ZFP64: variants seen among roughly 807,000 people sequenced by gnomAD.
ZFP64 encodes the protein zinc finger protein 64.
ZFP64 carries 14 observed loss-of-function variants against 51.6 expected under a neutral mutation model. The observed-to-expected ratio is 0.27, with a 90% CI of 0.18 to 0.42. ZFP64 has a LOEUF of 0.42. Ranked by LOEUF, ZFP64 falls within the 10% of genes least tolerant of loss-of-function variation. The pLI is 1.00. For missense variants in ZFP64, 754 were observed against 906.8 expected, an observed-to-expected ratio of 0.83 and a Z score of 2.16; for synonymous variants, 375 against 361.4, an observed-to-expected ratio of 1.04 and a Z score of -0.43.
chr20:52,145,153 T>C (rs1435248998), intron 5 of ZFP64, among the ~76,000 whole-genome samples: 1 of 152,188 alleles, frequency 6.6e-6, no homozygotes, highest in Non-Finnish European at 1.5e-5. Flanking sequence ...AAATCAGAGA[T>C]AGCACTAAAA....
chr20:52,098,572 T>C, exon 6 of ZFP64: 1 of 1,614,130 alleles, frequency 6.2e-7, no homozygotes, highest in Non-Finnish European at 8.5e-7. Flanking sequence ...TGGAACATCA[T>C]CATCAAGTTC....
In ZFP64 at chr20:52,110,840, C is replaced by G. The variant is rs952391291; in HGVS notation, c.764-12253G>C. Reference sequence around the variant, plus strand: ...TCACTCAGCTCCATGTTCAGCTTGTCACCATAATCTGAGATCCCCACCTCT... The same window carrying G: ...TCACTCAGCTCCATGTTCAGCTTGTGACCATAATCTGAGATCCCCACCTCT... On this transcript the variant is annotated intron_variant, in intron 5 of 8. Transcript: ENST00000361387. 1.7e-5 allele frequency: 28 copies of G among 1,606,094 alleles called. No individual in the cohort carries two copies. The Admixed American group carries it at 2.3e-4, about 13-fold the overall frequency.
chr20:52,155,459 CAG>C (rs1981241084), intron 5 of ZFP64, among the ~76,000 whole-genome samples: 1 of 152,170 alleles, frequency 6.6e-6, no homozygotes, highest in African/African-American at 2.4e-5. Flanking sequence ...ATCCTTGCTC[CAG>C]AATGTTTTAC....
intron 1 of ZFP64, among the ~76,000 whole-genome samples, chr20:52,190,198 G>A (rs191979882): frequency 1.1e-3 from 166 of 152,278 alleles, no homozygotes; most frequent in Non-Finnish European, 2.0e-3. Flanking sequence ...GGCAGATACT[G>A]AGATACCCAT....
chr20:52,141,511 GGT>G (rs1256257126), intron 5 of ZFP64, among the ~76,000 whole-genome samples: 1 of 152,046 alleles, frequency 6.6e-6, no homozygotes, highest in Non-Finnish European at 1.5e-5. Flanking sequence ...AACTTGAGGG[GGT>G]TCAAGACCTC....
chr20:52,146,888 A>G (rs946656167), downstream of ZFP64, among the ~76,000 whole-genome samples: 1 of 152,212 alleles, frequency 6.6e-6, no homozygotes, highest in African/African-American at 2.4e-5. Flanking sequence ...TTTTGGAAGA[A>G]TAATTCAACA....
intron 5 of ZFP64, among the ~76,000 whole-genome samples, chr20:52,103,758 G>A (rs1167303837): frequency 6.6e-6 from 1 of 152,250 alleles, no homozygotes; most frequent in African/African-American, 2.4e-5. Context: ...ACGGGATCCT[G>A]TAAGTCTCAC....
intron 2 of ZFP64, among the ~76,000 whole-genome samples, chr20:52,179,362 A>C (rs1486023761): frequency 6.6e-6 from 1 of 152,216 alleles, no homozygotes; most frequent in East Asian, 1.9e-4. Flanking sequence ...ACCATCACTA[A>C]GCCCTCATGA....
chr20:52,186,960 C>A lies in ZFP64; in HGVS notation c.158G>T (p.Gly53Val). ...LDAFVAHKQS[G>V]CQLTGTSAAA... ...TGCGGATGTGCCTGTCAGCTGGCAGCCACTTTGCTTGTGAGCTACAAAGGC... is the reference window on the plus strand; with the variant it reads ...TGCGGATGTGCCTGTCAGCTGGCAGACACTTTGCTTGTGAGCTACAAAGGC... The change falls in exon 2 of 6, where the codon GGC becomes GTC. Residue 53 changes from glycine to valine, a missense_variant. By Grantham distance (109) the Gly-to-Val change is moderately radical (BLOSUM62 -3). Transcript: ENST00000216923. 1 of 1,614,096 alleles carries A rather than the reference C, an allele frequency of 6.2e-7. No homozygotes were observed. Among genetic ancestry groups the A allele is most frequent in the South Asian group, 1.1e-5 (1 of 91,082 alleles).
At chr20:52,121,861 ATGTAGCTGGTGACT>A (rs1386318110) in intron 5 of ZFP64, among the ~76,000 whole-genome samples, 1 of 152,202 alleles carries the variant, frequency 6.6e-6, no homozygotes, top group Non-Finnish European at 1.5e-5. Flanking sequence ...TTAGGGGCTA[ATGTAGCTGGTGACT>A]TGAAGTTGAA....
At chr20:52,185,179 A>T (rs1983870908) in intron 2 of ZFP64, among the ~76,000 whole-genome samples, 1 of 151,998 alleles carries the variant, frequency 6.6e-6, no homozygotes, top group Non-Finnish European at 1.5e-5. Flanking sequence ...ACGTGACACC[A>T]CGCTGGGCTA....
At chr20:52,136,856 T>C (rs1006117212) in intron 5 of ZFP64, among the ~76,000 whole-genome samples, 4 of 152,132 alleles carry the variant, frequency 2.6e-5, no homozygotes, top group African/African-American at 9.7e-5. Context: ...AACCTCTGCC[T>C]CCCGGGCAAG....
At chr20:52,084,542 C>A in exon 9 of ZFP64, 1 of 1,602,926 alleles carries the variant, frequency 6.2e-7, no homozygotes, top group Non-Finnish European at 8.5e-7. Flanking sequence ...CAGCTGACCA[C>A]CCTCTTCGGC....
chr20:52,123,881 G>GC (rs917028420), intron 5 of ZFP64, among the ~76,000 whole-genome samples: 2 of 151,404 alleles, frequency 1.3e-5, no homozygotes, highest in African/African-American at 4.9e-5. Context: ...TTTTTTGGGG[G>GC]GGGGAGGGGG....
intron 5 of ZFP64, chr20:52,110,458 C>A: frequency 1.5e-6 from 1 of 650,310 alleles, no homozygotes; most frequent in South Asian, 2.1e-5. Flanking sequence ...GCCTGGAGAT[C>A]CATGTCATCT....
rs1233949971 is a variant in ZFP64, at chr20:52,085,854, C to A, written c.1229-588G>T. Reference sequence around the variant, plus strand: ...AATAAAGAGCCATGGTCTTTAGAGTCCCATTCCCTGGAGACATTGCTAAGG... The same window carrying A: ...AATAAAGAGCCATGGTCTTTAGAGTACCATTCCCTGGAGACATTGCTAAGG... On this transcript the variant is annotated intron_variant, in intron 8 of 8. Transcript: ENST00000361387. The surrounding 1 kb of genome is among the most constrained non-coding windows in gnomAD (Gnocchi z 4.3). Among the ~76,000 whole-genome samples the A allele has an allele frequency of 1.3e-5, 2 of 152,252 alleles. No individual in the cohort carries two copies. The highest frequency in any genetic ancestry group is 4.8e-5 in the African/African-American group (2 of 41,552).
At chr20:52,111,150 G>C (rs1978549507) in intron 5 of ZFP64, 1 of 691,748 alleles carries the variant, frequency 1.4e-6, no homozygotes, top group Non-Finnish European at 2.6e-6. Context: ...GTTCCGCGAC[G>C]GGGAGGTGGG....
At chr20:52,115,806 T>C in intron 5 of ZFP64, among the ~76,000 whole-genome samples, 1 of 97,000 alleles carries the variant, frequency 1.0e-5, no homozygotes, top group African/African-American at 3.1e-5. Context: ...TCTCTCTCTG[T>C]GTGTGTGAAC....
Position 52,129,640 on chromosome 20 carries a change from T to C in ZFP64, c.763+30483A>G, listed in dbSNP as rs181690796. Among the ~76,000 whole-genome samples the C allele has an allele frequency of 9.5e-4, 145 of 152,266 alleles. 2 individuals are homozygous for C. Among genetic ancestry groups the C allele is most frequent in the Middle Eastern group, 6.8e-3 (2 of 294 alleles). On this transcript the variant is annotated intron_variant, in intron 5 of 8. Transcript: ENST00000361387. ...TAGCATTTTGACTCAGCTCAGGTGC[T>C]GGTCACCCCGGCCCTGGCCCATTTC... is the stretch of plus-strand genomic sequence containing the variant.
Sources: gnomAD v4.1 joint callset for allele counts (sites outside exome capture counted in the v4.1 genomes callset) on GRCh38, gnomAD v4.1.1 for gene constraint, Gnocchi (gnomAD v3.1) non-coding constraint, MANE v1.5 for transcripts, NCBI Gene and HGNC (gene_info 2026-07-23, HGNC 2026-07-21) for gene names.